Variants in RAB33A observed in about 807,000 individuals in gnomAD.
The protein encoded by RAB33A is RAB33A, member RAS oncogene family.
A neutral mutation model predicts 12.0 loss-of-function variants in RAB33A; 6 were observed. That is an observed-to-expected ratio of 0.50 (90% CI 0.27 to 0.99). The LOEUF (loss-of-function observed/expected upper bound fraction) is 0.99. RAB33A is among the 50% of genes least tolerant of loss of function. RAB33A has a pLI of 0.11. For missense variants in RAB33A, 109 were observed against 192.0 expected (o/e 0.57, Z 2.55); for synonymous variants, 70 against 82.4 (o/e 0.85, Z 0.81).
chrX:130,145,464 G>C, the RAB33A span: 1 of 1,179,174 alleles, frequency 8.5e-7, no homozygotes, highest in East Asian at 3.0e-5. Flanking sequence ...CAAAAGAAGC[G>C]GTCTACTAGC....
At chrX:130,179,876 G>A (rs1181728170) in intron 1 of RAB33A, among the ~76,000 whole-genome samples, 2 of 105,735 alleles carry the variant, frequency 1.9e-5, no homozygotes, top group African/African-American at 7.0e-5. Context: ...AGTCTTGCTG[G>A]AGAGATGCCA....
the RAB33A span, among the ~76,000 whole-genome samples, chrX:130,119,698 T>C: frequency 8.9e-6 from 1 of 112,045 alleles, no homozygotes; most frequent in African/African-American, 3.2e-5. Context: ...GTATTTCTCC[T>C]GGCACACAGT....
the RAB33A span, among the ~76,000 whole-genome samples, chrX:130,142,860 G>A: frequency 2.7e-5 from 3 of 111,214 alleles, no homozygotes; most frequent in African/African-American, 9.8e-5. Context: ...TGGCCAGGCT[G>A]GTCTCTAACT....
the RAB33A span, chrX:130,155,235 C>A: frequency 8.3e-7 from 1 of 1,209,094 alleles, no homozygotes; most frequent in Non-Finnish European, 1.1e-6. Context: ...CCCAGAAGCA[C>A]CTGTAGATGC....
At chrX:130,133,753 A>T in the RAB33A span, among the ~76,000 whole-genome samples, 2 of 109,138 alleles carry the variant, frequency 1.8e-5, no homozygotes, top group Admixed American at 9.8e-5. Context: ...TCAGCCTCCC[A>T]AGTAGCTGGG....
the RAB33A span, among the ~76,000 whole-genome samples, chrX:130,122,114 A>G: frequency 8.9e-6 from 1 of 112,104 alleles, no homozygotes; most frequent in African/African-American, 3.2e-5. Context: ...TTGGAGGCCC[A>G]GGAGTCCGGG....
At chrX:130,177,899 T>C (rs781626983) in intron 1 of RAB33A, among the ~76,000 whole-genome samples, 1 of 111,980 alleles carries the variant, frequency 8.9e-6, no homozygotes, top group Non-Finnish European at 1.9e-5. Context: ...ATGGATATGG[T>C]GCCCACAGGA....
At chrX:130,111,155 C>T in the RAB33A span, among the ~76,000 whole-genome samples, 1 of 109,780 alleles carries the variant, frequency 9.1e-6, no homozygotes, top group Non-Finnish European at 1.9e-5. Flanking sequence ...CTCGCTCGCG[C>T]CCGGGGGACC....
the RAB33A span, among the ~76,000 whole-genome samples, chrX:130,113,427 AT>A: frequency 0.27 from 14,834 of 54,480 alleles, 954 homozygotes; most frequent in Middle Eastern, 0.3. Context: ...TTTAGTTTAG[AT>A]TTTTTTTTTT....
At chrX:130,139,372 A>G in the RAB33A span, among the ~76,000 whole-genome samples, 1 of 110,966 alleles carries the variant, frequency 9.0e-6, no homozygotes, top group Non-Finnish European at 1.9e-5. Context: ...TCCCTGAAAA[A>G]TGACAGCAGT....
At chrX:130,156,517 C>T in the RAB33A span, 3 of 1,209,860 alleles carry the variant, frequency 2.5e-6, no homozygotes, top group African/African-American at 1.7e-5. Context: ...ACAGAATTAT[C>T]GATTTTGCCC....
the RAB33A span, among the ~76,000 whole-genome samples, chrX:130,124,087 G>A: frequency 9.0e-6 from 1 of 111,659 alleles, no homozygotes; most frequent in African/African-American, 3.3e-5. Flanking sequence ...AAAATGCCTA[G>A]AATAGATAGA....
chrX:130,120,633 G>T, the RAB33A span, among the ~76,000 whole-genome samples: 2 of 112,513 alleles, frequency 1.8e-5, no homozygotes, highest in African/African-American at 6.4e-5. Context: ...TTGCAGAAGC[G>T]CGCAGGAACC....
chrX:130,171,896 C>G (rs758406093), upstream of RAB33A: 1 of 497,303 alleles, frequency 2.0e-6, no homozygotes, highest in South Asian at 4.1e-5. Flanking sequence ...ACCCCCTTCA[C>G]GCGCGCGCGC....
At chrX:130,135,981 C>T in the RAB33A span, 21 of 1,192,972 alleles carry the variant, frequency 1.8e-5, no homozygotes, top group South Asian at 7.1e-5. Flanking sequence ...AGCACACCAC[C>T]GGGCAGACTT....
the RAB33A span, among the ~76,000 whole-genome samples, chrX:130,159,021 T>C: frequency 8.9e-6 from 1 of 111,948 alleles, no homozygotes; most frequent in Non-Finnish European, 1.9e-5. Context: ...TTTGGAACTT[T>C]GAATTATCTG....
At chrX:130,168,772 G>A (rs760586821), upstream of RAB33A, among the ~76,000 whole-genome samples, 1 of 111,293 alleles carries the variant, frequency 9.0e-6, no homozygotes, top group Admixed American at 9.6e-5. Flanking sequence ...CAGAAGTGCA[G>A]GCAATGGGTG....
chrX:130,144,306 A>T, the RAB33A span, among the ~76,000 whole-genome samples: 1 of 111,116 alleles, frequency 9.0e-6, no homozygotes, highest in Admixed American at 9.6e-5. Context: ...CCTCACGGCC[A>T]ATGGTGATTA....
upstream of RAB33A, among the ~76,000 whole-genome samples, chrX:130,168,164 G>A (rs1042039224): frequency 1.1e-4 from 12 of 109,482 alleles, no homozygotes; most frequent in South Asian, 7.7e-4. Flanking sequence ...ATGACAGAGC[G>A]AGACCCTATT....
Sources: gnomAD v4.1 joint callset for allele counts (sites outside exome capture counted in the v4.1 genomes callset) on GRCh38, gnomAD v4.1.1 for gene constraint, MANE v1.5 for transcripts, NCBI Gene and HGNC (gene_info 2026-07-23, HGNC 2026-07-21) for gene names.